Variants in GRK3 observed in about 807,000 individuals in gnomAD.
The protein encoded by GRK3 is G protein-coupled receptor kinase 3, also known as adrenergic, beta, receptor kinase 2.
A neutral mutation model predicts 95.7 loss-of-function variants in GRK3; 54 were observed. The observed-to-expected ratio is 0.56, with a 90% CI of 0.45 to 0.71. The LOEUF (loss-of-function observed/expected upper bound fraction) is 0.71. Ranked by LOEUF, GRK3 falls within the 30% of genes least tolerant of loss-of-function variation. The pLI is 0.00. For synonymous variants in GRK3, 281 were observed against 290.8 expected (o/e 0.97, Z 0.34); for missense variants, 649 against 851.2 (o/e 0.76, Z 2.96).
intron 3 of GRK3, among the ~76,000 whole-genome samples, chr22:25,650,581 A>T (rs1156906568): frequency 1.3e-5 from 2 of 152,222 alleles, no homozygotes; most frequent in African/African-American, 4.8e-5. Context: ...AATGTATTTC[A>T]AAGAAATACG....
intron 2 of GRK3, among the ~76,000 whole-genome samples, chr22:25,639,165 C>A (rs930538828): frequency 1.3e-5 from 2 of 152,152 alleles, no homozygotes; most frequent in Admixed American, 6.5e-5. Context: ...CATGGCTGGT[C>A]TATTTTTTAA....
rs2146313186 is a variant in GRK3, at chr22:25,574,585, A to C, written c.113+9432A>C. On this transcript the variant is annotated intron_variant, in intron 1 of 20. Coordinates refer to ENST00000324198, the MANE Select transcript of GRK3 (RefSeq NM_005160.4). The stretch of plus-strand genomic sequence containing the variant: ...TGCAGACTTTCATTTTCCTTTGTGA[A>C]TGTCTAAGGCCGTGATGGTATTTTG... Among the ~76,000 whole-genome samples the C allele has an allele frequency of 2.0e-5, 3 of 152,368 alleles. No homozygotes were observed. The South Asian group carries it at 6.2e-4, about 32-fold the overall frequency.
At chr22:25,722,205 A>G (rs2085437859) in intron 20 of GRK3, 84 bp from the exon 21 acceptor site, 4 of 1,506,270 alleles carry the variant, frequency 2.7e-6, no homozygotes, top group Non-Finnish European at 3.6e-6. Flanking sequence ...GGTTCCAGGG[A>G]CGCTGGTAAT....
intron 2 of GRK3, among the ~76,000 whole-genome samples, chr22:25,620,035 TG>T: frequency 6.7e-6 from 1 of 149,966 alleles, no homozygotes; most frequent in Non-Finnish European, 1.5e-5. Context: ...TGTGTGTGTG[TG>T]TGTGTGTGTG....
intron 13 of GRK3, among the ~76,000 whole-genome samples, chr22:25,696,737 C>T (rs532469833): frequency 6.6e-6 from 1 of 152,344 alleles, no homozygotes; most frequent in East Asian, 1.9e-4. Flanking sequence ...AGGTTCTGAG[C>T]ACCCTCTGTT....
chr22:25,608,348 T>C (rs1419024762), intron 2 of GRK3, among the ~76,000 whole-genome samples: 3 of 152,224 alleles, frequency 2.0e-5, no homozygotes, highest in Admixed American at 1.3e-4. Flanking sequence ...TGCCTTTAAA[T>C]ATATTTTAAT....
chr22:25,647,253 G>A, intron 3 of GRK3: 1 of 804,110 alleles, frequency 1.2e-6, no homozygotes, highest in East Asian at 4.9e-5. Flanking sequence ...CCAGAGGACA[G>A]ATTTGATAAT....
At chr22:25,714,607 C>A (rs780963671) in intron 18 of GRK3, 37 bp downstream of exon 18, 23 of 1,522,010 alleles carry the variant, frequency 1.5e-5, no homozygotes, top group East Asian at 2.4e-5. Context: ...ATTTCTAATG[C>A]AGTAAATTTT....
In GRK3 at chr22:25,690,842, G is replaced by A. The variant is rs1007205053; in HGVS notation, c.1052+559G>A. On this transcript the variant is annotated intron_variant, in intron 12 of 20. Coordinates refer to ENST00000324198, the MANE Select transcript of GRK3 (RefSeq NM_005160.4). ...TAAAGAAACAAATCATCTGCTTGCA[G>A]TTTAGGCTTTCACTGCAGGCCATAT... 3.6e-4 allele frequency among the ~76,000 whole-genome samples: 54 copies of A among 151,518 alleles called. No homozygotes were observed. In the Middle Eastern group the frequency reaches 0.014, roughly 38 times the overall value.
At chr22:25,609,044 G>T (rs2084474742) in intron 2 of GRK3, among the ~76,000 whole-genome samples, 1 of 152,136 alleles carries the variant, frequency 6.6e-6, no homozygotes, top group African/African-American at 2.4e-5. Flanking sequence ...TCCCTAACTT[G>T]CTGCCAGTAA....
In GRK3 at chr22:25,678,005, T is replaced by C. The variant is rs561852866; in HGVS notation, c.648-811T>C. 2.0e-5 allele frequency among the ~76,000 whole-genome samples: 3 copies of C among 152,372 alleles called. No individual in the cohort carries two copies. The East Asian group carries it at 5.8e-4, about 29-fold the overall frequency. On this transcript the variant is annotated intron_variant, in intron 8 of 20. Transcript: ENST00000324198. ...TAGTAGAAAAATCTTATTGATTCTTTGTATTATTTAAAACGTCATAACTTA... is the reference window on the plus strand; with the variant it reads ...TAGTAGAAAAATCTTATTGATTCTTCGTATTATTTAAAACGTCATAACTTA...
At chr22:25,668,669 C>T (rs977022392) in intron 6 of GRK3, among the ~76,000 whole-genome samples, 2 of 152,150 alleles carry the variant, frequency 1.3e-5, no homozygotes, top group African/African-American at 4.8e-5. Context: ...TGCCAAAAAG[C>T]GCCAGCATCA....
intron 2 of GRK3, among the ~76,000 whole-genome samples, chr22:25,641,448 T>C (rs1034012626): frequency 1.3e-5 from 2 of 152,190 alleles, no homozygotes; most frequent in African/African-American, 2.4e-5. Context: ...GCAAATGTAG[T>C]AGAGAATAAA....
intron 1 of GRK3, among the ~76,000 whole-genome samples, chr22:25,579,928 T>C (rs1218138565): frequency 6.6e-6 from 1 of 152,178 alleles, no homozygotes; most frequent in Admixed American, 6.5e-5. Context: ...ATGGGGAATT[T>C]CAGATGGAGA....
chr22:25,685,147 A>G (rs2085102978), intron 9 of GRK3, 23 bp from the exon 10 acceptor site: 8 of 1,565,478 alleles, frequency 5.1e-6, no homozygotes, highest in Non-Finnish European at 7.0e-6. Flanking sequence ...CTCTTCTTAT[A>G]AACTTTTATT....
At chr22:25,688,118 C>T (rs938100345) in intron 11 of GRK3, among the ~76,000 whole-genome samples, 1 of 151,768 alleles carries the variant, frequency 6.6e-6, no homozygotes, top group Non-Finnish European at 1.5e-5. Flanking sequence ...TGCCTGTAGT[C>T]CCAGCTACTC....
chr22:25,644,563 C>T, intron 2 of GRK3, 29 bp from the exon 3 acceptor site: 1 of 1,185,498 alleles, frequency 8.4e-7, no homozygotes, highest in Non-Finnish European at 1.2e-6. Flanking sequence ...TAATTGCCCA[C>T]CCTGAAATTT....
chr22:25,703,351 C>T (rs1464329003), intron 13 of GRK3, among the ~76,000 whole-genome samples, 159 bp from the exon 14 acceptor site: 1 of 152,144 alleles, frequency 6.6e-6, no homozygotes, highest in East Asian at 1.9e-4. Context: ...ATTTATTCAC[C>T]AGTTCTTCCA....
Position 25,565,067 on chromosome 22 carries a change from C to A in GRK3, c.27C>A (p.Ala9=). 1 of 1,525,814 alleles carries A rather than the reference C, an allele frequency of 6.6e-7. No individual in the cohort carries two copies. The highest frequency in any genetic ancestry group is 8.8e-7 in the Non-Finnish European group (1 of 1,139,384). The allele number at this position is 1,525,814 out of a possible 1,614,324, so 94.5% of individuals were successfully genotyped here. The stretch of plus-strand genomic sequence containing the variant: ...TGGCGGACCTGGAGGCTGTGCTGGC[C>A]GATGTCAGTTACCTGATGGCCATGG... MADLEAVL[A]DVSYLMAMEK... is the part of the protein sequence containing the mutation. Residue 9 remains alanine (A), a synonymous_variant, in exon 1 of 21, where the codon GCC becomes GCA. Coordinates refer to ENST00000324198, the MANE Select transcript of GRK3 (RefSeq NM_005160.4).
Sources: gnomAD v4.1 joint callset for allele counts (sites outside exome capture counted in the v4.1 genomes callset) on GRCh38, gnomAD v4.1.1 for gene constraint, MANE v1.5 for transcripts, NCBI Gene and HGNC (gene_info 2026-07-23, HGNC 2026-07-21) for gene names.